ECHDC1: variants seen among roughly 807,000 people sequenced by gnomAD.
The protein encoded by ECHDC1 is ethylmalonyl-CoA decarboxylase.
ECHDC1 carries 29 observed loss-of-function variants against 29.7 expected under a neutral mutation model. The ratio of observed to expected loss-of-function variants is 0.98; its 90% CI spans 0.73 to 1.33. ECHDC1 has a LOEUF of 1.33. Among genes scored for constraint, ECHDC1 ranks in the 40% most tolerant of loss-of-function variants. The pLI is 0.00. For missense variants in ECHDC1, 328 were observed against 350.0 expected, an observed-to-expected ratio of 0.94 and a Z score of 0.50; for synonymous variants, 126 against 123.1, an observed-to-expected ratio of 1.02 and a Z score of -0.15.
intron 5 of ECHDC1, among the ~76,000 whole-genome samples, chr6:127,310,083 C>T (rs1425530829): frequency 6.6e-6 from 1 of 151,958 alleles, no homozygotes; most frequent in Non-Finnish European, 1.5e-5. Flanking sequence ...TTACCAGAGT[C>T]TGGGAAAGGT....
intron 5 of ECHDC1, among the ~76,000 whole-genome samples, chr6:127,309,480 A>AACACAC (rs58621326): frequency 2.2e-5 from 3 of 138,356 alleles, no homozygotes; most frequent in Non-Finnish European, 3.1e-5. Flanking sequence ...CAAACAACAA[A>AACACAC]ACACACACAC....
chr6:127,306,204 A>T (rs1250498979), intron 5 of ECHDC1, among the ~76,000 whole-genome samples: 2 of 152,178 alleles, frequency 1.3e-5, no homozygotes, highest in Non-Finnish European at 2.9e-5. Flanking sequence ...TTAAGAAGAG[A>T]TGAAGAAAGT....
intron 2 of ECHDC1, among the ~76,000 whole-genome samples, chr6:127,330,182 T>A (rs769104221): frequency 1.2e-4 from 18 of 152,198 alleles, no homozygotes; most frequent in Middle Eastern, 3.2e-3. Context: ...AAATTTGAGC[T>A]TCAGCAAAAA....
At chr6:127,292,852 T>G (rs1780308174) in intron 5 of ECHDC1, among the ~76,000 whole-genome samples, 1 of 152,096 alleles carries the variant, frequency 6.6e-6, no homozygotes, top group Non-Finnish European at 1.5e-5. Context: ...GCTCTTATAA[T>G]TTTGAAGACT....
At chr6:127,299,499 G>A (rs781715745) in intron 5 of ECHDC1, among the ~76,000 whole-genome samples, 1 of 150,218 alleles carries the variant, frequency 6.7e-6, no homozygotes, top group Non-Finnish European at 1.5e-5. Context: ...AATAGAAAAA[G>A]CTTATAGAAT....
At chr6:127,311,686 A>AG (rs1781929738) in intron 5 of ECHDC1, among the ~76,000 whole-genome samples, 1 of 107,042 alleles carries the variant, frequency 9.3e-6, no homozygotes, top group African/African-American at 3.7e-5. Flanking sequence ...AAAAAAAAAA[A>AG]AAAAAAAAAA....
chr6:127,326,367 TA>T, intron 3 of ECHDC1: 1 of 236,780 alleles, frequency 4.2e-6, no homozygotes, highest in Non-Finnish European at 9.2e-6. Context: ...ATGCTTCCTG[TA>T]TAGCGTGCAG....
chr6:127,321,697 G>T (rs1782839286), intron 3 of ECHDC1, among the ~76,000 whole-genome samples: 1 of 152,056 alleles, frequency 6.6e-6, no homozygotes, highest in Non-Finnish European at 1.5e-5. Flanking sequence ...CCTATAAAAT[G>T]CTTTTTCAAA....
chr6:127,340,691 G>C (rs139980297), intron 1 of ECHDC1, among the ~76,000 whole-genome samples: 1 of 151,392 alleles, frequency 6.6e-6, no homozygotes, highest in Non-Finnish European at 1.5e-5. Flanking sequence ...GATAACTTTA[G>C]AATAAAAGTG....
At position 127,314,863 on chromosome 6, in the gene ECHDC1, A is replaced by G. The variant is rs765535043; in HGVS notation, c.450T>C (p.Gly150=). The change falls in exon 5 of 6, where the codon GGT becomes GGC. Residue 150 remains glycine (G), a synonymous_variant. Transcript: ENST00000454859. ...ATTCTGCTCCTCCACCCAATGCCCA[A>G]CCTTGAACCAGCGCAACACTTATTA... is the stretch of plus-strand genomic sequence containing the variant. ...LPLISVALVQ[G]WALGGGAEFT... is the part of the protein sequence containing the mutation. 27 of 1,612,222 alleles carry G rather than the reference A, an allele frequency of 1.7e-5. 1 individual carries two copies. The highest frequency in any genetic ancestry group is 3.3e-4 in the Middle Eastern group (2 of 6,056).
chr6:127,340,323 T>C (rs905336681), intron 1 of ECHDC1, among the ~76,000 whole-genome samples: 2 of 152,228 alleles, frequency 1.3e-5, no homozygotes, highest in Admixed American at 6.5e-5. Context: ...CACTGTGTCC[T>C]TCCCTTCTTC....
chr6:127,330,975 T>C lies in ECHDC1; in HGVS notation c.54A>G (p.Leu18=). The C allele has an allele frequency of 1.2e-6, 2 of 1,614,008 alleles. No homozygotes were observed. Among genetic ancestry groups the C allele is most frequent in the South Asian group, 1.1e-5 (1 of 91,080 alleles). Residue 18 remains leucine, a synonymous_variant, in exon 2 of 6, where the codon CTA becomes CTG. Coordinates refer to ENST00000454859, the MANE Select transcript of ECHDC1 (RefSeq NM_001002030.2). ...TASLSGRTKL[L]HQTGLSLYST... is the part of the protein sequence containing the mutation. ...TATAAAGTGACAATCCTGTTTGATG[T>C]AGCAATTTTGTCCTTCCAGACAGAG...
At position 127,288,980 on chromosome 6, in the gene ECHDC1, T is replaced by G. The variant is rs1175486262; in HGVS notation, c.*889A>C. 6.6e-6 allele frequency: 1 copy of G among 152,118 alleles called. No individual in the cohort carries two copies. Among genetic ancestry groups the G allele is most frequent in the African/African-American group, 2.4e-5 (1 of 41,440 alleles). The allele number at this position is 152,118 out of a possible 1,614,324, so 9.4% of individuals were successfully genotyped here. A position where few individuals can be genotyped will look rare whatever the true frequency, so the allele number is the denominator to read the frequency against. ...AGAACTAGAACTTAATTCTTTGACT[T>G]TCACATTTTTTAAAAAGTGTATTGC... On this transcript the variant is annotated 3_prime_UTR_variant, in exon 6 of 6. Transcript: ENST00000454859.
chr6:127,322,187 T>A (rs1782886356), intron 3 of ECHDC1, among the ~76,000 whole-genome samples: 1 of 151,976 alleles, frequency 6.6e-6, no homozygotes, highest in Non-Finnish European at 1.5e-5. Context: ...ACGCCTGTAA[T>A]CCCAGCTACT....
At chr6:127,314,005 T>G (rs1782156469) in intron 5 of ECHDC1, among the ~76,000 whole-genome samples, 1 of 152,198 alleles carries the variant, frequency 6.6e-6, no homozygotes, top group South Asian at 2.1e-4. Flanking sequence ...AGTGTCAAAC[T>G]GGGATTCAGC....
intron 5 of ECHDC1, among the ~76,000 whole-genome samples, chr6:127,298,325 C>CT (rs34528623): frequency 0.54 from 81,636 of 151,496 alleles, 24,082 homozygotes; most frequent in Non-Finnish European, 0.68. Context: ...TGTGTACATG[C>CT]TTTTTTTTGC....
chr6:127,297,917 T>C (rs1030026373), intron 5 of ECHDC1, among the ~76,000 whole-genome samples: 3 of 152,162 alleles, frequency 2.0e-5, no homozygotes, highest in Non-Finnish European at 4.4e-5. Flanking sequence ...ACCTCCCCCT[T>C]GCGTCCATGC....
chr6:127,342,770 G>T (rs558256821), intron 1 of ECHDC1: 2 of 177,538 alleles, frequency 1.1e-5, no homozygotes, highest in Non-Finnish European at 2.3e-5. Flanking sequence ...TCCCCTACAC[G>T]TGTAATCCCT....
intron 3 of ECHDC1, chr6:127,317,934 C>G (rs189183332): frequency 6.6e-6 from 1 of 152,312 alleles, no homozygotes; most frequent in East Asian, 1.9e-4. Context: ...CTTCTGAGAT[C>G]GGCAAGATTG....
Sources: allele counts gnomAD v4.1 joint callset (sites outside exome capture counted in the v4.1 genomes callset), GRCh38; gene constraint gnomAD v4.1.1; transcripts MANE v1.5; gene names NCBI Gene and HGNC (gene_info 2026-07-23, HGNC 2026-07-21).